LAMC3: variants seen among roughly 807,000 people sequenced by gnomAD.
The protein encoded by LAMC3 is laminin subunit gamma 3.
LAMC3 carries 128 observed loss-of-function variants against 173.8 expected under a neutral mutation model. The ratio of observed to expected loss-of-function variants is 0.74; its 90% CI spans 0.64 to 0.85. The LOEUF is 0.85. Among genes scored for constraint, LAMC3 ranks in the 40% least tolerant of loss-of-function variants. The pLI is 0.00. For missense variants in LAMC3, 2,022 were observed against 2,156.0 expected (o/e 0.94, Z 1.23); for synonymous variants, 897 against 909.1 (o/e 0.99, Z 0.24).
At chr9:131,048,673 T>G (rs563239585) in intron 8 of LAMC3, among the ~76,000 whole-genome samples, 16 of 152,148 alleles carry the variant, frequency 1.1e-4, no homozygotes, top group Non-Finnish European at 2.1e-4. Flanking sequence ...GAGGTGCTGT[T>G]AATGACATGG....
At chr9:131,052,267 G>T (rs1243838180) in intron 9 of LAMC3, among the ~76,000 whole-genome samples, 3 of 152,182 alleles carry the variant, frequency 2.0e-5, no homozygotes, top group Non-Finnish European at 2.9e-5. Context: ...TATTAAGAAT[G>T]TGAAGATGGT....
chr9:131,041,816 GGGA>G, intron 7 of LAMC3, 81 bp downstream of exon 7: 1 of 1,271,668 alleles, frequency 7.9e-7, no homozygotes. Context: ...GTGGAGTGCG[GGGA>G]GGAGCAAGGG....
At chr9:131,050,869 G>T (rs746076858) in intron 9 of LAMC3, among the ~76,000 whole-genome samples, 3 of 152,330 alleles carry the variant, frequency 2.0e-5, no homozygotes, top group Admixed American at 1.3e-4. Flanking sequence ...GCGGCCGGTT[G>T]TGGAACAGTG....
rs202225413 is a variant in LAMC3, at chr9:131,068,975, C to T, written c.2815C>T (p.Arg939Cys). The change falls in exon 16 of 28, where the codon CGC becomes TGC. Residue 939 changes from arginine (R) to cysteine (C), a missense_variant. Physicochemically the swap from Arg to Cys is radical, Grantham distance 180. Transcript: ENST00000361069. ...TCCCAAGACTGGACAGTGCACCTGC[C>T]GCCCAGGTGTCACAGGCCAGGCCTG... ...CHPKTGQCTC[R>C]PGVTGQACDR... is the part of the protein sequence containing the mutation. The T allele has an allele frequency of 8.2e-4, 1,331 of 1,613,982 alleles. 14 individuals carry two copies. Among genetic ancestry groups the T allele is most frequent in the Non-Finnish European group, 2.8e-4 (327 of 1,179,968 alleles).
In LAMC3 at chr9:131,068,381, G is replaced by A. The variant is rs1438315209; in HGVS notation, c.2747+150G>A. 8.7e-6 allele frequency: 7 copies of A among 806,836 alleles called. No homozygotes were observed. In the Admixed American group the frequency reaches 1.3e-4, roughly 15 times the overall value. The allele number at this position is 806,836 out of a possible 1,614,324, so 50.0% of individuals were successfully genotyped here. ...GCCCTTTGCCGAAGGGGAGCAAAGG[G>A]ATGGACTCTTGGCATCCGACTCATG... On this transcript the variant is annotated intron_variant, in intron 15 of 27. Transcript: ENST00000361069.
intron 18 of LAMC3, 21 bp from the exon 19 acceptor site, chr9:131,072,608 CT>C (rs776248357): frequency 6.3e-7 from 1 of 1,597,244 alleles, no homozygotes; most frequent in South Asian, 1.1e-5. Flanking sequence ...TTTGTGACCC[CT>C]GGGCTGTGGG....
intron 13 of LAMC3, among the ~76,000 whole-genome samples, chr9:131,065,032 C>T (rs772816277): frequency 3.5e-4 from 41 of 116,886 alleles, no homozygotes; most frequent in Admixed American, 7.0e-4. Context: ...CAGAACAAGA[C>T]TCCATCTAAA....
rs1456617411 is a variant in LAMC3 at position 131,026,615 on chromosome 9, G to A, written c.678+26G>A. On this transcript the variant is annotated intron_variant, in intron 2 of 27. Coordinates refer to ENST00000361069, the MANE Select transcript of LAMC3 (RefSeq NM_006059.4). This position sits in a 1 kb window ranked among gnomAD's most constrained non-coding sequence, Gnocchi z 4.8. ...GTCAGGGAGGAGCGGGGCTTCGGAGGTTGGGACGGGGTTGGGACTGGGTCA... is the reference window on the plus strand; with the variant it reads ...GTCAGGGAGGAGCGGGGCTTCGGAGATTGGGACGGGGTTGGGACTGGGTCA... 2 of 1,543,608 alleles carry A rather than the reference G, an allele frequency of 1.3e-6. No homozygotes were observed. Among genetic ancestry groups the A allele is most frequent in the Non-Finnish European group, 1.7e-6 (2 of 1,145,538 alleles).
chr9:131,038,826 CAG>C, intron 4 of LAMC3, 36 bp from the exon 5 acceptor site: 2 of 1,601,090 alleles, frequency 1.2e-6, no homozygotes, highest in South Asian at 1.1e-5. Context: ...TACCACATCA[CAG>C]GGGACTCACA....
intron 8 of LAMC3, 143 bp downstream of exon 8, chr9:131,045,803 G>T: frequency 9.6e-7 from 1 of 1,041,906 alleles, no homozygotes; most frequent in African/African-American, 1.6e-5. Context: ...GGGGTCGGGG[G>T]TGAGATGATG....
At chr9:131,085,041 C>T (rs75491010) in intron 24 of LAMC3, among the ~76,000 whole-genome samples, 292 of 152,196 alleles carry the variant, frequency 1.9e-3, no homozygotes, top group African/African-American at 6.7e-3. Context: ...ATGTCATTAT[C>T]GAGATTTTCT....
chr9:131,062,982 A>G (rs556068066), intron 13 of LAMC3, among the ~76,000 whole-genome samples: 51 of 152,018 alleles, frequency 3.4e-4, no homozygotes, highest in African/African-American at 1.2e-3. Context: ...CCAGTATTCC[A>G]TTTAAACGGA....
intron 1 of LAMC3, among the ~76,000 whole-genome samples, chr9:131,016,995 C>T (rs1404567493): frequency 2.6e-5 from 4 of 152,242 alleles, no homozygotes; most frequent in East Asian, 3.9e-4. Context: ...TTTCAAAGTT[C>T]TGGTGCAGCA....
At chr9:131,037,853 C>G (rs889631256) in intron 4 of LAMC3, among the ~76,000 whole-genome samples, 9 of 152,210 alleles carry the variant, frequency 5.9e-5, no homozygotes, top group Non-Finnish European at 1.0e-4. Flanking sequence ...TCCCACGGCT[C>G]CCCCTTTGCT....
chr9:131,052,729 G>C, intron 10 of LAMC3, 46 bp downstream of exon 10: 1 of 1,548,532 alleles, frequency 6.5e-7, no homozygotes. Context: ...TGAGAGGGGT[G>C]GTCTCTGAGG....
rs759651084 is a variant in LAMC3 at position 131,052,661 on chromosome 9, A to G, written c.1801A>G (p.Arg601Gly). 1.9e-6 allele frequency: 3 copies of G among 1,613,592 alleles called. No homozygotes were observed. Among genetic ancestry groups the G allele is most frequent in the South Asian group, 1.1e-5 (1 of 91,062 alleles). The stretch of plus-strand genomic sequence containing the variant: ...TGGCCCCCAGGATGCCGGGCATCCC[A>G]GGGAGGTAGAGCTCAGGTTCCAGTA... The part of the protein sequence containing the change: ...LSGPQDAGHP[R>G]EVELRFHLQE... Residue 601 changes from arginine (R) to glycine (G), a missense_variant, in exon 10 of 28, where the codon AGG becomes GGG. By Grantham distance (125) the Arg-to-Gly change is moderately radical. Coordinates refer to ENST00000361069, the MANE Select transcript of LAMC3 (RefSeq NM_006059.4).
intron 1 of LAMC3, among the ~76,000 whole-genome samples, chr9:131,018,230 G>A (rs902518366): frequency 6.7e-6 from 1 of 149,866 alleles, no homozygotes; most frequent in Non-Finnish European, 1.5e-5. Context: ...TGCCTCCTAC[G>A]TTCGAGCGAT....
chr9:131,036,402 C>G (rs1470480799), intron 4 of LAMC3, 70 bp downstream of exon 4: 6 of 1,572,620 alleles, frequency 3.8e-6, no homozygotes, highest in Non-Finnish European at 5.2e-6. Context: ...AGGAACTCCC[C>G]AAAACGTCGT....
chr9:131,064,172 T>C (rs1377978851), intron 13 of LAMC3, among the ~76,000 whole-genome samples: 1 of 152,124 alleles, frequency 6.6e-6, no homozygotes, highest in East Asian at 1.9e-4. Flanking sequence ...CCTCCCAAAG[T>C]GCTGTGATTA....
Sources: gnomAD v4.1 joint callset for allele counts (sites outside exome capture counted in the v4.1 genomes callset) on GRCh38, gnomAD v4.1.1 for gene constraint, Gnocchi (gnomAD v3.1) non-coding constraint, MANE v1.5 for transcripts, NCBI Gene and HGNC (gene_info 2026-07-23, HGNC 2026-07-21) for gene names.